Variants in HS2ST1 observed in about 807,000 individuals in gnomAD.
HS2ST1 encodes the protein 2-O-sulfotransferase.
HS2ST1 carries 18 observed loss-of-function variants against 42.9 expected under a neutral mutation model. That is an observed-to-expected ratio of 0.42 (90% CI 0.29 to 0.62). HS2ST1 has a LOEUF of 0.62. Ranked by LOEUF, HS2ST1 falls within the 20% of genes least tolerant of loss-of-function variation. The pLI is 0.21. For synonymous variants in HS2ST1, 146 were observed against 152.9 expected (o/e 0.95, Z 0.33); for missense variants, 334 against 433.8 (o/e 0.77, Z 2.04).
At chr1:87,062,205 T>G (rs903564903) in intron 1 of HS2ST1, among the ~76,000 whole-genome samples, 2 of 152,246 alleles carry the variant, frequency 1.3e-5, no homozygotes, top group Admixed American at 6.6e-5. Context: ...TGTCAATGTA[T>G]TTTTAAAATT....
chr1:87,015,590 C>T (rs999720501), intron 1 of HS2ST1, among the ~76,000 whole-genome samples: 30 of 151,828 alleles, frequency 2.0e-4, no homozygotes, highest in Non-Finnish European at 2.1e-4. Context: ...GTGATCTGCC[C>T]GCCTCAGCCT....
At chr1:87,038,088 T>A (rs977899778) in intron 1 of HS2ST1, among the ~76,000 whole-genome samples, 1 of 152,090 alleles carries the variant, frequency 6.6e-6, no homozygotes, top group African/African-American at 2.4e-5. Flanking sequence ...AGACTCTTAC[T>A]TAATATTATA....
chr1:87,082,599 A>G (rs1651722570), intron 2 of HS2ST1, among the ~76,000 whole-genome samples: 1 of 152,202 alleles, frequency 6.6e-6, no homozygotes, highest in African/African-American at 2.4e-5. Context: ...CTGAAATACT[A>G]GAACTGATTT....
At chr1:86,985,553 T>TACAC (rs71082055) in intron 1 of HS2ST1, among the ~76,000 whole-genome samples, 622 of 37,436 alleles carry the variant, frequency 0.017, 15 homozygotes, top group Middle Eastern at 0.12. Flanking sequence ...CACATATATA[T>TACAC]ACACACACAC....
At chr1:86,993,005 C>G in intron 1 of HS2ST1, 1 of 1,489,934 alleles carries the variant, frequency 6.7e-7, no homozygotes. Context: ...TCCTTTCCTC[C>G]CAGTGTGGGG....
In HS2ST1 at chr1:87,037,659, T is replaced by C. The variant is rs562822460; in HGVS notation, c.125-35275T>C. Among the ~76,000 whole-genome samples, 187 of 151,914 alleles carry C rather than the reference T, an allele frequency of 1.2e-3. 2 individuals carry two copies. The highest frequency in any genetic ancestry group is 6.3e-4 in the Non-Finnish European group (43 of 67,794). ...CTCTGTCTTGTATAAAGTAACCTAT[T>C]ATAAATTGGGTATGTATGTTCCTAG... On this transcript the variant is annotated intron_variant, in intron 1 of 6. Coordinates refer to ENST00000370550, the MANE Select transcript of HS2ST1 (RefSeq NM_012262.4).
intron 3 of HS2ST1, among the ~76,000 whole-genome samples, chr1:87,084,607 C>T (rs1651769474): frequency 6.6e-6 from 1 of 152,122 alleles, no homozygotes; most frequent in Admixed American, 6.6e-5. Flanking sequence ...CTTACCACAT[C>T]ATTGAGAAAG....
chr1:87,002,106 G>A (rs1333231372), intron 1 of HS2ST1, among the ~76,000 whole-genome samples: 1 of 151,016 alleles, frequency 6.6e-6, no homozygotes, highest in Non-Finnish European at 1.5e-5. Context: ...TAGAGATGGG[G>A]TTTCACCGTG....
intron 3 of HS2ST1, among the ~76,000 whole-genome samples, chr1:87,085,678 C>G (rs763585629): frequency 5.9e-5 from 9 of 152,188 alleles, no homozygotes; most frequent in Admixed American, 2.0e-4. Context: ...TATTTTCCCT[C>G]AGGGCTGCAT....
intron 1 of HS2ST1, among the ~76,000 whole-genome samples, chr1:87,004,207 G>A (rs1322105971): frequency 1.3e-5 from 2 of 152,050 alleles, no homozygotes; most frequent in Non-Finnish European, 2.9e-5. Flanking sequence ...CCTGGCCAAC[G>A]TGGTGAAACC....
At chr1:86,988,891 G>T (rs905866138) in intron 1 of HS2ST1, among the ~76,000 whole-genome samples, 1 of 152,196 alleles carries the variant, frequency 6.6e-6, no homozygotes, top group Non-Finnish European at 1.5e-5. Context: ...ATTGGGTAGT[G>T]AGTCTCGAAC....
chr1:86,949,822 A>G (rs1454143301), intron 1 of HS2ST1, among the ~76,000 whole-genome samples: 1 of 152,140 alleles, frequency 6.6e-6, no homozygotes, highest in Non-Finnish European at 1.5e-5. Context: ...TTAGACTCCT[A>G]TTATCATAAC....
chr1:86,949,917 C>G (rs1647454397), intron 1 of HS2ST1, among the ~76,000 whole-genome samples: 1 of 152,166 alleles, frequency 6.6e-6, no homozygotes. Flanking sequence ...TTTAACCTCC[C>G]CATGGCCTTC....
chr1:87,078,749 G>A (rs1215785663), intron 2 of HS2ST1, among the ~76,000 whole-genome samples: 2 of 152,206 alleles, frequency 1.3e-5, no homozygotes, highest in African/African-American at 2.4e-5. Context: ...CCTAATCTCA[G>A]TGTCCTCTTC....
intron 5 of HS2ST1, 57 bp downstream of exon 5, chr1:87,097,992 GTGT>G (rs1289033757): frequency 5.0e-6 from 8 of 1,608,764 alleles, no homozygotes; most frequent in Non-Finnish European, 5.9e-6. Context: ...TCTGTAATCT[GTGT>G]TTCATTTCAC....
chr1:86,954,844 G>C (rs1647632758), intron 1 of HS2ST1, among the ~76,000 whole-genome samples: 1 of 152,164 alleles, frequency 6.6e-6, no homozygotes. Context: ...AGGAACATTA[G>C]AGTACATATG....
chr1:87,084,179 G>A lies in HS2ST1; in HGVS notation c.364-15G>A. 2 of 1,502,248 alleles carry A rather than the reference G, an allele frequency of 1.3e-6. No homozygotes were observed. Among genetic ancestry groups the A allele is most frequent in the Admixed American group, 1.9e-5 (1 of 53,090 alleles). The allele number at this position is 1,502,248 out of a possible 1,614,324, so 93.1% of individuals were successfully genotyped here. A position where few individuals can be genotyped will look rare whatever the true frequency, so the allele number is the denominator to read the frequency against. ...TCTTTAAATTGTATATAATGAATGT[G>A]TTCTCCCTTTTTAGGTGCGCTTTGT... On this transcript the variant is annotated splice_polypyrimidine_tract_variant and intron_variant, in intron 2 of 6. Coordinates refer to ENST00000370550, the MANE Select transcript of HS2ST1 (RefSeq NM_012262.4).
intron 1 of HS2ST1, among the ~76,000 whole-genome samples, chr1:86,933,558 A>G (rs576378877): frequency 6.6e-6 from 1 of 152,248 alleles, no homozygotes; most frequent in East Asian, 1.9e-4. Context: ...AATGTCGTGT[A>G]GTTTTTTCCA....
At chr1:86,935,702 G>A (rs1368812179) in intron 1 of HS2ST1, among the ~76,000 whole-genome samples, 1 of 151,962 alleles carries the variant, frequency 6.6e-6, no homozygotes, top group Non-Finnish European at 1.5e-5. Context: ...GGCCTCAAGT[G>A]ATCTGCGCAC....
Sources: gnomAD v4.1 joint callset for allele counts (sites outside exome capture counted in the v4.1 genomes callset) on GRCh38, gnomAD v4.1.1 for gene constraint, MANE v1.5 for transcripts, NCBI Gene and HGNC (gene_info 2026-07-23, HGNC 2026-07-21) for gene names.